ARID5A: variants seen among roughly 807,000 people sequenced by gnomAD.
ARID5A encodes AT-rich interactive domain-containing protein 5A.
ARID5A carries 14 observed loss-of-function variants against 30.5 expected under a neutral mutation model. That is an observed-to-expected ratio of 0.46 (90% CI 0.30 to 0.72). The LOEUF (loss-of-function observed/expected upper bound fraction) is 0.72. ARID5A is among the 30% of genes least tolerant of loss of function. The probability of loss-of-function intolerance (pLI) is 0.07; values close to 1 mark genes in which losing one functional copy is unlikely to be tolerated. For missense variants in ARID5A, 669 were observed against 786.2 expected (o/e 0.85, Z 1.78); for synonymous variants, 338 against 340.4 (o/e 0.99, Z 0.08).
chr2:96,547,026 G>T (rs2104690894), intron 1 of ARID5A, among the ~76,000 whole-genome samples: 1 of 152,284 alleles, frequency 6.6e-6, no homozygotes, highest in East Asian at 1.9e-4. Context: ...AGTTGGAGCA[G>T]AGGAAAGAAA....
rs1236687045 is a variant in ARID5A, at chr2:96,550,277, C to CTACGAGAGG, written c.407_410+5dup. 8.2e-6 allele frequency: 12 copies of CTACGAGAGG among 1,464,276 alleles called. No individual in the cohort carries two copies. The highest frequency in any genetic ancestry group is 1.1e-5 in the Non-Finnish European group (12 of 1,115,030). The allele number at this position is 1,464,276 out of a possible 1,614,324, so 90.7% of individuals were successfully genotyped here. ...GCGCGGCCACGTGCACGCGCCGCCA[C>CTACGAGAGG]TACGAGAGGTACGGCGGGGCGGGCC... On this transcript the variant is annotated inframe_insertion, in exon 5 of 7. Transcript: ENST00000357485. This position sits in a 1 kb window ranked among gnomAD's most constrained non-coding sequence, Gnocchi z 6.6.
intron 1 of ARID5A, among the ~76,000 whole-genome samples, chr2:96,547,180 G>A (rs2065943605): frequency 6.6e-6 from 1 of 151,144 alleles, no homozygotes; most frequent in African/African-American, 2.4e-5. Flanking sequence ...TAATAGAGAC[G>A]GGGTCTCACT....
chr2:96,540,194 T>C (rs1007235510), intron 1 of ARID5A, among the ~76,000 whole-genome samples: 1 of 152,206 alleles, frequency 6.6e-6, no homozygotes, highest in Middle Eastern at 3.2e-3. Flanking sequence ...AGTAGACCTA[T>C]GGGAGCATCC....
In ARID5A at chr2:96,552,420, G is replaced by T; in HGVS notation, c.*107G>T. 1 of 1,567,222 alleles carries T rather than the reference G, an allele frequency of 6.4e-7. No individual in the cohort carries two copies. The highest frequency in any genetic ancestry group is 8.6e-7 in the Non-Finnish European group (1 of 1,158,020). Reference sequence around the variant, plus strand: ...AGTGCCTGCTACCCAGGACACCCGGGCCATGCCCCTGGCTGGGCAGCCTGG... The same window carrying T: ...AGTGCCTGCTACCCAGGACACCCGGTCCATGCCCCTGGCTGGGCAGCCTGG... On this transcript the variant is annotated 3_prime_UTR_variant, in exon 7 of 7. Transcript: ENST00000357485.
chr2:96,551,085 TTC>T lies in ARID5A; in HGVS notation c.571-9_571-8del. ...GCTGAGGCAGTCCTGAGGCAAGACTTTCTCTCATTCCAGATGATGCCAGGAAA... is the reference window on the plus strand; with the variant it reads ...GCTGAGGCAGTCCTGAGGCAAGACTTTCTCATTCCAGATGATGCCAGGAAA... On this transcript the variant is annotated splice_polypyrimidine_tract_variant and intron_variant, in intron 6 of 6. Transcript: ENST00000357485. The T allele has an allele frequency of 1.9e-6, 3 of 1,600,986 alleles. No homozygotes were observed. The highest frequency in any genetic ancestry group is 2.6e-6 in the Non-Finnish European group (3 of 1,172,738).
In ARID5A at chr2:96,538,096, G is replaced by T. The variant is rs945870373; in HGVS notation, c.4+1266G>T. On this transcript the variant is annotated intron_variant, in intron 1 of 6. Transcript: ENST00000357485. ...TCCAGGCCTTAGGGACCCGCCTGGG[G>T]CCTAGAACTTGGTGTGGCAGAGGTA... 9 of 985,522 alleles carry T rather than the reference G, an allele frequency of 9.1e-6. No homozygotes were observed. The East Asian group carries it at 9.1e-4, about 99-fold the overall frequency. 61.0% of individuals were successfully genotyped at this position (985,522 alleles called of 1,614,324 possible).
Position 96,551,809 on chromosome 2 carries a change from G to A in ARID5A, c.1281G>A (p.Glu427=). Reference sequence around the variant, plus strand: ...CCCCCATGGCCAAGGTCCCAGCCGAGAGCCCCACGCTCCCGCCCACCTTCC... The same window carrying A: ...CCCCCATGGCCAAGGTCCCAGCCGAAAGCCCCACGCTCCCGCCCACCTTCC... ...WVSPMAKVPA[E]SPTLPPTFPS... Residue 427 remains glutamate, a synonymous_variant, in exon 7 of 7, where the codon GAG becomes GAA. Transcript: ENST00000357485. The A allele has an allele frequency of 3.8e-6, 6 of 1,588,744 alleles. No individual in the cohort carries two copies. The highest frequency in any genetic ancestry group is 5.1e-6 in the Non-Finnish European group (6 of 1,169,500).
At position 96,537,403 on chromosome 2, in the gene ARID5A, C is replaced by T. The variant is rs1048009756; in HGVS notation, c.4+573C>T. 1.3e-5 allele frequency: 2 copies of T among 152,478 alleles called. No homozygotes were observed. The highest frequency in any genetic ancestry group is 4.8e-5 in the African/African-American group (2 of 41,462). 9.4% of individuals were successfully genotyped at this position (152,478 alleles called of 1,614,324 possible). A position where few individuals can be genotyped will look rare whatever the true frequency, so the allele number is the denominator to read the frequency against. ...CTTGCTCAATGCGCTTTGTAGGATC[C>T]ACTGTTCCTCTTTCGGCCGCGGGCT... On this transcript the variant is annotated intron_variant, in intron 1 of 6. Coordinates refer to ENST00000357485, the MANE Select transcript of ARID5A (RefSeq NM_212481.3). This position sits in a 1 kb window ranked among gnomAD's most constrained non-coding sequence, Gnocchi z 4.8.
rs2066008963 is a variant in ARID5A at position 96,550,317 on chromosome 2, C to CCGGG, written c.410+32_410+33insCGGG. On this transcript the variant is annotated intron_variant, in intron 5 of 6. Transcript: ENST00000357485. This position sits in a 1 kb window ranked among gnomAD's most constrained non-coding sequence, Gnocchi z 6.6. ...CGGGGCGGGCCCGGGTGCTGGACGC[C>CCGGG]GCCTACCCTGCGGGGCTTTGGCCGA... The CCGGG allele has an allele frequency of 1.4e-6, 2 of 1,428,428 alleles. No homozygotes were observed. The highest frequency in any genetic ancestry group is 1.8e-6 in the Non-Finnish European group (2 of 1,099,522). The allele number at this position is 1,428,428 out of a possible 1,614,324, so 88.5% of individuals were successfully genotyped here.
chr2:96,543,571 G>A (rs945611118), intron 1 of ARID5A, among the ~76,000 whole-genome samples: 21 of 151,620 alleles, frequency 1.4e-4, no homozygotes, highest in Middle Eastern at 3.4e-3. Flanking sequence ...ATTGTTTTGG[G>A]GTACCATGAA....
chr2:96,543,515 C>T (rs2065879025), intron 1 of ARID5A, among the ~76,000 whole-genome samples: 1 of 152,024 alleles, frequency 6.6e-6, no homozygotes, highest in South Asian at 2.1e-4. Flanking sequence ...ATTATTATAT[C>T]TGTTATGGTG....
At chr2:96,548,233 CAAAA>C (rs879654871) in intron 2 of ARID5A, among the ~76,000 whole-genome samples, 65 of 151,604 alleles carry the variant, frequency 4.3e-4, no homozygotes, top group African/African-American at 1.4e-3. Flanking sequence ...TTACAACTAA[CAAAA>C]AAAGTAAAAA....
chr2:96,538,136 T>A (rs1446406642), intron 1 of ARID5A: 29 of 985,326 alleles, frequency 2.9e-5, no homozygotes, highest in Middle Eastern at 1.0e-3. Context: ...GGGCCTCCGA[T>A]AATCTGCTTC....
At chr2:96,541,985 A>G (rs2065853671) in intron 1 of ARID5A, among the ~76,000 whole-genome samples, 2 of 152,324 alleles carry the variant, frequency 1.3e-5, no homozygotes, top group African/African-American at 4.8e-5. Context: ...CCACAGAGCC[A>G]GGAGAGGGCC....
intron 1 of ARID5A, among the ~76,000 whole-genome samples, chr2:96,542,454 A>G (rs1055676878): frequency 6.6e-5 from 10 of 152,186 alleles, no homozygotes; most frequent in African/African-American, 2.2e-4. Flanking sequence ...TAACACGAGC[A>G]CCCAACTCCA....
chr2:96,537,532 C>T lies in ARID5A; in HGVS notation c.4+702C>T, dbSNP rs1573177223. 1 of 152,404 alleles carries T rather than the reference C, an allele frequency of 6.6e-6. No homozygotes were observed. Among genetic ancestry groups the T allele is most frequent in the African/African-American group, 2.4e-5 (1 of 41,464 alleles). The allele number at this position is 152,404 out of a possible 1,614,324, so 9.4% of individuals were successfully genotyped here. On this transcript the variant is annotated intron_variant, in intron 1 of 6. Transcript: ENST00000357485. The surrounding 1 kb of genome is among the most constrained non-coding windows in gnomAD (Gnocchi z 4.8). ...TCTCCGCCCACCCGCCGCAGCCCCA[C>T]AGGAGAGGGGTCGCTTCCCTGGTTG...
In ARID5A at chr2:96,539,729, C is replaced by G. The variant is rs1057383329; in HGVS notation, c.4+2899C>G. ...GCCATGCCCCTTCCCGGCCCTCCCC[C>G]TCTCCCCGCTGCTGCCCAGCTCTCT... On this transcript the variant is annotated intron_variant, in intron 1 of 6. Transcript: ENST00000357485. This position sits in a 1 kb window ranked among gnomAD's most constrained non-coding sequence, Gnocchi z 4.7. Among the ~76,000 whole-genome samples the G allele has an allele frequency of 6.6e-6, 1 of 151,148 alleles. No homozygotes were observed. The highest frequency in any genetic ancestry group is 2.1e-4 in the South Asian group (1 of 4,826).
At position 96,552,576 on chromosome 2, in the gene ARID5A, G is replaced by T; in HGVS notation, c.*263G>T. On this transcript the variant is annotated 3_prime_UTR_variant, in exon 7 of 7. Coordinates refer to ENST00000357485, the MANE Select transcript of ARID5A (RefSeq NM_212481.3). ...GCAGCTCCCACTGCCCCAGAGCGGA[G>T]CTCGAAGCACCCAGGTTGCCCACGG... The T allele has an allele frequency of 6.7e-7, 1 of 1,498,362 alleles. No individual in the cohort carries two copies. Among genetic ancestry groups the T allele is most frequent in the Non-Finnish European group, 8.9e-7 (1 of 1,128,792 alleles). 92.8% of individuals were successfully genotyped at this position (1,498,362 alleles called of 1,614,324 possible). A position where few individuals can be genotyped will look rare whatever the true frequency, so the allele number is the denominator to read the frequency against.
chr2:96,550,072 C>G lies in ARID5A; in HGVS notation c.313-116C>G, dbSNP rs2066000373. 1 of 1,532,228 alleles carries G rather than the reference C, an allele frequency of 6.5e-7. No homozygotes were observed. The highest frequency in any genetic ancestry group is 8.7e-7 in the Non-Finnish European group (1 of 1,145,538). The allele number at this position is 1,532,228 out of a possible 1,614,324, so 94.9% of individuals were successfully genotyped here. On this transcript the variant is annotated intron_variant, in intron 4 of 6. Coordinates refer to ENST00000357485, the MANE Select transcript of ARID5A (RefSeq NM_212481.3). This position sits in a 1 kb window ranked among gnomAD's most constrained non-coding sequence, Gnocchi z 6.6. ...AGAATCGGCTGGCCGCTGCTGGAGC[C>G]GCAGAGCAGCTGCCAAACTGCAGTC...
Sources: allele counts gnomAD v4.1 joint callset (sites outside exome capture counted in the v4.1 genomes callset), GRCh38; gene constraint gnomAD v4.1.1; non-coding constraint Gnocchi (gnomAD v3.1); transcripts MANE v1.5; gene names NCBI Gene and HGNC (gene_info 2026-07-23, HGNC 2026-07-21).